The following SRD5A2 variants were observed in gnomAD, a reference collection of about 807,000 sequenced individuals.
SRD5A2 encodes the protein steroid 5 alpha-reductase 2.
In SRD5A2, 30 loss-of-function variants were observed where a neutral mutation model predicts 27.4. That is an observed-to-expected ratio of 1.10 (90% CI 0.82 to 1.49). The LOEUF (loss-of-function observed/expected upper bound fraction) is 1.49. SRD5A2 is among the 40% of genes most tolerant of loss of function. SRD5A2 has a pLI of 0.00. For synonymous variants in SRD5A2, 141 were observed against 133.6 expected (o/e 1.06, Z -0.38); for missense variants, 348 against 323.4 (o/e 1.08, Z -0.58).
chr2:31,619,550 CCCA>C, the SRD5A2 span, among the ~76,000 whole-genome samples: 2 of 152,148 alleles, frequency 1.3e-5, no homozygotes, highest in Non-Finnish European at 2.9e-5. Flanking sequence ...AATTTACACT[CCCA>C]CCAACAGTGT....
intron 1 of SRD5A2, among the ~76,000 whole-genome samples, chr2:31,557,238 T>C (rs1212017591): frequency 6.6e-6 from 1 of 152,220 alleles, no homozygotes. Flanking sequence ...TGAAGACAAA[T>C]TAATCACAAC....
At chr2:31,621,573 T>C in the SRD5A2 span, among the ~76,000 whole-genome samples, 10 of 152,124 alleles carry the variant, frequency 6.6e-5, no homozygotes, top group African/African-American at 1.9e-4. Flanking sequence ...GTATAGCTTT[T>C]TGTGTGAATG....
chr2:31,652,949 G>A, the SRD5A2 span, among the ~76,000 whole-genome samples: 1 of 152,096 alleles, frequency 6.6e-6, no homozygotes, highest in Non-Finnish European at 1.5e-5. Flanking sequence ...GTGAGACTGG[G>A]AGCCTGAAGG....
At chr2:31,559,336 A>T (rs1442694057) in intron 1 of SRD5A2, among the ~76,000 whole-genome samples, 2 of 152,218 alleles carry the variant, frequency 1.3e-5, no homozygotes, top group Non-Finnish European at 2.9e-5. Context: ...CCAGACAAAG[A>T]AAGACTTCCC....
rs782140524 is a variant in SRD5A2, at chr2:31,580,792, T to G, written c.109A>C (p.Thr37Pro). 1.2e-6 allele frequency: 2 copies of G among 1,612,164 alleles called. No homozygotes were observed. Among genetic ancestry groups the G allele is most frequent in the African/African-American group, 1.3e-5 (1 of 74,928 alleles). The change falls in exon 1 of 5, where the codon ACG becomes CCG. Residue 37 changes from threonine (T) to proline (P), a missense_variant. By Grantham distance (38) the Thr-to-Pro change is conservative (BLOSUM62 -1). Coordinates refer to ENST00000622030, the MANE Select transcript of SRD5A2 (RefSeq NM_000348.4). ...VAKPSGYGKH[T>P]ESLKPAATRL... is the part of the protein sequence containing the mutation. The stretch of plus-strand genomic sequence containing the variant: ...GTAGCCGCCGGCTTCAGGCTCTCCG[T>G]GTGCTTCCCGTAGCCGGAGGGCTTC...
chr2:31,548,981 A>G (rs536584373), intron 1 of SRD5A2, among the ~76,000 whole-genome samples: 1 of 152,076 alleles, frequency 6.6e-6, no homozygotes, highest in Admixed American at 6.6e-5. Flanking sequence ...TCACGAGAAG[A>G]CAAATTCCAT....
In SRD5A2 at chr2:31,580,876, G is replaced by A. The variant is rs868322910; in HGVS notation, c.25C>T (p.Pro9Ser). The A allele has an allele frequency of 6.2e-7, 1 of 1,609,054 alleles. No individual in the cohort carries two copies. The change falls in exon 1 of 5, where the codon CCA becomes TCA. Residue 9 changes from proline to serine, a missense_variant. Physicochemically the swap from Pro to Ser is moderately conservative, Grantham distance 74 (BLOSUM62 -1). Coordinates refer to ENST00000622030, the MANE Select transcript of SRD5A2 (RefSeq NM_000348.4). The part of the protein sequence containing the change: MQVQCQQS[P>S]VLAGSATLVA... ...AAAGTGGCGCTGCCTGCCAGCACTG[G>A]GCTCTGCTGGCACTGAACCTGCATC...
the SRD5A2 span, among the ~76,000 whole-genome samples, chr2:31,662,111 T>G: frequency 6.6e-6 from 1 of 152,310 alleles, no homozygotes; most frequent in Non-Finnish European, 1.5e-5. Flanking sequence ...TCTCTGCTTT[T>G]TCAAACATCT....
At chr2:31,643,429 GATAA>G in the SRD5A2 span, among the ~76,000 whole-genome samples, 2 of 152,052 alleles carry the variant, frequency 1.3e-5, no homozygotes, top group East Asian at 1.9e-4. Flanking sequence ...TAAATAGATA[GATAA>G]ATAGTCAAAT....
the SRD5A2 span, among the ~76,000 whole-genome samples, chr2:31,610,668 A>G: frequency 6.6e-6 from 1 of 152,240 alleles, no homozygotes; most frequent in Non-Finnish European, 1.5e-5. Context: ...AATAAAAAGC[A>G]TTCACACAGA....
chr2:31,604,030 T>C, the SRD5A2 span, among the ~76,000 whole-genome samples: 2 of 151,820 alleles, frequency 1.3e-5, no homozygotes, highest in African/African-American at 2.4e-5. Flanking sequence ...GCACATCCTA[T>C]ACATATATCC....
chr2:31,560,742 C>A (rs1666605864), intron 1 of SRD5A2, among the ~76,000 whole-genome samples: 1 of 152,142 alleles, frequency 6.6e-6, no homozygotes, highest in Non-Finnish European at 1.5e-5. Context: ...TTTCTTCATA[C>A]CCTTGCCCTC....
the SRD5A2 span, among the ~76,000 whole-genome samples, chr2:31,641,680 G>A: frequency 1.3e-5 from 2 of 152,032 alleles, no homozygotes; most frequent in Non-Finnish European, 2.9e-5. Flanking sequence ...ATCAATTAAT[G>A]TAATTCACAG....
intron 1 of SRD5A2, among the ~76,000 whole-genome samples, chr2:31,549,150 T>C (rs1041231485): frequency 1.7e-4 from 25 of 149,924 alleles, no homozygotes; most frequent in African/African-American, 5.9e-4. Flanking sequence ...TCTCACTCTG[T>C]CACCCAGGCT....
the SRD5A2 span, among the ~76,000 whole-genome samples, chr2:31,601,273 A>T: frequency 6.6e-6 from 1 of 152,148 alleles, no homozygotes; most frequent in Admixed American, 6.6e-5. Context: ...AACAACCATC[A>T]GAGAATACTA....
At position 31,572,678 on chromosome 2, in the gene SRD5A2, A is replaced by G. The variant is rs78253595; in HGVS notation, c.281+7942T>C. 2.3e-4 allele frequency among the ~76,000 whole-genome samples: 35 copies of G among 152,332 alleles called. No individual in the cohort carries two copies. In the East Asian group the frequency reaches 6.6e-3, roughly 29 times the overall value. On this transcript the variant is annotated intron_variant, in intron 1 of 4. Transcript: ENST00000622030. ...CAAGTAAAGGGCATTGACTGACAGC[A>G]TGAGACACAGAGTTAAGTTTTAAAA...
At chr2:31,564,439 G>A (rs1666687814) in intron 1 of SRD5A2, among the ~76,000 whole-genome samples, 1 of 151,930 alleles carries the variant, frequency 6.6e-6, no homozygotes, top group African/African-American at 2.4e-5. Flanking sequence ...TATACATGTA[G>A]GTCTCATAGA....
At chr2:31,533,847 C>T in intron 1 of SRD5A2, 81 bp from the exon 2 acceptor site, 1 of 1,454,314 alleles carries the variant, frequency 6.9e-7, no homozygotes, top group Non-Finnish European at 9.2e-7. Flanking sequence ...CTTAAGCTCA[C>T]ACCAGAAGGT....
At chr2:31,658,866 T>C in the SRD5A2 span, among the ~76,000 whole-genome samples, 3 of 152,178 alleles carry the variant, frequency 2.0e-5, no homozygotes, top group African/African-American at 2.4e-5. Context: ...ACTCATCCTA[T>C]GAGGCCAGCA....
Sources: gnomAD v4.1 joint callset for allele counts (sites outside exome capture counted in the v4.1 genomes callset) on GRCh38, gnomAD v4.1.1 for gene constraint, MANE v1.5 for transcripts, NCBI Gene and HGNC (gene_info 2026-07-23, HGNC 2026-07-21) for gene names.